KLK6: variants seen among roughly 807,000 people sequenced by gnomAD.
KLK6 encodes the protein kallikrein-6.
Under a neutral mutation model 21.7 loss-of-function variants are expected in KLK6, and 16 were observed. The ratio of observed to expected loss-of-function variants is 0.74; its 90% confidence interval spans 0.50 to 1.12. KLK6 has a LOEUF of 1.12. Among genes scored for constraint, KLK6 ranks in the 50% most tolerant of loss-of-function variants. KLK6 has a pLI of 0.00. For synonymous variants in KLK6, 116 were observed against 120.1 expected (o/e 0.97, Z 0.22); for missense variants, 276 against 304.6 (o/e 0.91, Z 0.70).
chr19:50,963,250 C>A, intron 5 of KLK6, 52 bp downstream of exon 5: 1 of 1,576,994 alleles, frequency 6.3e-7, no homozygotes, highest in Admixed American at 1.7e-5. Flanking sequence ...TCCTTTGGCA[C>A]ACTTCCCCAA....
At chr19:50,967,552 A>ACACACACAC (rs1555781654) in intron 3 of KLK6, among the ~76,000 whole-genome samples, 168 of 50,628 alleles carry the variant, frequency 3.3e-3, no homozygotes, top group African/African-American at 0.02. Flanking sequence ...CACACACACA[A>ACACACACAC]ATTAGCAGGG....
intron 5 of KLK6, chr19:50,962,091 T>C: frequency 4.0e-6 from 2 of 498,744 alleles, no homozygotes; most frequent in South Asian, 6.2e-5. Context: ...TTCCCCCCCA[T>C]TGGCTGTCTT....
Position 50,963,428 on chromosome 19 carries a change from T to A in KLK6, c.319A>T (p.Ile107Phe), listed in dbSNP as rs908989748. Reference sequence around the variant, plus strand: ...GGGCGTGCCAGGCGCAACAGCATGATGTCCTGGTCATGGCTGGCGGCATCA... The same window carrying A: ...GGGCGTGCCAGGCGCAACAGCATGAAGTCCTGGTCATGGCTGGCGGCATCA... ...DYDAASHDQDIMLLRLARPAK... is the reference protein window; with the variant it reads ...DYDAASHDQDFMLLRLARPAK... The change falls in exon 5 of 7, where the codon ATC becomes TTC. Residue 107 changes from isoleucine to phenylalanine, a missense_variant. Ile to Phe is a conservative substitution (Grantham distance 21). Coordinates refer to ENST00000310157, the MANE Select transcript of KLK6 (RefSeq NM_002774.4). 2.5e-6 allele frequency: 4 copies of A among 1,614,226 alleles called. No individual in the cohort carries two copies. Among genetic ancestry groups the A allele is most frequent in the Non-Finnish European group, 2.5e-6 (3 of 1,180,040 alleles).
At chr19:50,964,971 A>G (rs554194529) in intron 4 of KLK6, among the ~76,000 whole-genome samples, 2 of 152,208 alleles carry the variant, frequency 1.3e-5, no homozygotes, top group South Asian at 2.1e-4. Flanking sequence ...TCCCATCTTC[A>G]TGCCTCCGCT....
intron 6 of KLK6, 113 bp downstream of exon 6, chr19:50,961,631 T>C: frequency 7.7e-7 from 1 of 1,303,748 alleles, no homozygotes; most frequent in Admixed American, 2.4e-5. Context: ...TGTCTCTATC[T>C]GTCTCTGTAA....
At chr19:50,968,023 C>A in intron 3 of KLK6, 42 bp downstream of exon 3, 1 of 1,594,652 alleles carries the variant, frequency 6.3e-7, no homozygotes, top group South Asian at 1.1e-5. Flanking sequence ...ACAAGCCCAA[C>A]CCTGTCTGCA....
intron 2 of KLK6, 143 bp downstream of exon 2, chr19:50,968,398 G>A (rs2090960573): frequency 2.0e-6 from 1 of 507,146 alleles, no homozygotes; most frequent in Non-Finnish European, 3.6e-6. Flanking sequence ...GCACTGATTT[G>A]CCTTCCTGTC....
At chr19:50,964,311 C>A (rs1400070403) in intron 4 of KLK6, among the ~76,000 whole-genome samples, 1 of 152,182 alleles carries the variant, frequency 6.6e-6, no homozygotes, top group East Asian at 1.9e-4. Context: ...TGTTAGTAGG[C>A]AATTCCTATC....
chr19:50,962,114 T>G (rs143687622), intron 5 of KLK6: 1 of 470,164 alleles, frequency 2.1e-6, no homozygotes, highest in African/African-American at 2.0e-5. Context: ...TCATTAATAG[T>G]CTCTTCTCCA....
At chr19:50,965,906 G>A (rs1046986935) in intron 4 of KLK6, among the ~76,000 whole-genome samples, 2 of 152,170 alleles carry the variant, frequency 1.3e-5, no homozygotes, top group Non-Finnish European at 2.9e-5. Flanking sequence ...TTGGTAGTTA[G>A]CATCAAACAA....
intron 3 of KLK6, 112 bp from the exon 4 acceptor site, chr19:50,967,437 C>T: frequency 1.9e-6 from 2 of 1,048,834 alleles, no homozygotes; most frequent in African/African-American, 1.6e-5. Context: ...TGCCTGTAAT[C>T]CCAGCTGAGG....
At chr19:50,969,381 A>C (rs1296275256) in intron 1 of KLK6, 109 bp downstream of exon 1, 1 of 152,240 alleles carries the variant, frequency 6.6e-6, no homozygotes. Context: ...CACCCCCAGC[A>C]CTCTCTGTGC....
intron 6 of KLK6, among the ~76,000 whole-genome samples, 165 bp from the exon 7 acceptor site, chr19:50,959,481 C>A (rs2090771608): frequency 7.2e-6 from 1 of 139,678 alleles, no homozygotes; most frequent in South Asian, 2.4e-4. Flanking sequence ...GACAGAGAGA[C>A]AGAGAGAGAG....
chr19:50,961,491 C>G lies in KLK6; in HGVS notation c.582+253G>C, dbSNP rs114817507. Among the ~76,000 whole-genome samples, 4 of 152,170 alleles carry G rather than the reference C, an allele frequency of 2.6e-5. 1 individual carries two copies. In the South Asian group the frequency reaches 8.3e-4, roughly 32 times the overall value. On this transcript the variant is annotated intron_variant, in intron 6 of 6. Transcript: ENST00000310157. ...CTGGCCTCTCTGGTTCTTGATCCCGCGGCCTCCATCCTTGTCTCTGCACTT... is the reference window on the plus strand; with the variant it reads ...CTGGCCTCTCTGGTTCTTGATCCCGGGGCCTCCATCCTTGTCTCTGCACTT...
At chr19:50,967,437 C>A (rs2090943719) in intron 3 of KLK6, 112 bp from the exon 4 acceptor site, 2 of 1,048,718 alleles carry the variant, frequency 1.9e-6, no homozygotes, top group Non-Finnish European at 1.4e-6. Context: ...TGCCTGTAAT[C>A]CCAGCTGAGG....
At position 50,968,108 on chromosome 19, in the gene KLK6, C is replaced by T. The variant is rs369049379; in HGVS notation, c.-4G>A. On this transcript the variant is annotated 5_prime_UTR_variant, in exon 3 of 7. Coordinates refer to ENST00000310157, the MANE Select transcript of KLK6 (RefSeq NM_002774.4). ...GCACCACCATCAGCTTCTTCATGGC[C>T]GCTCCTGAGAGGGGAAGCCACATGG... 2.0e-5 allele frequency: 32 copies of T among 1,614,030 alleles called. No individual in the cohort carries two copies. The African/African-American group carries it at 2.4e-4, about 12-fold the overall frequency.
intron 6 of KLK6, among the ~76,000 whole-genome samples, chr19:50,960,563 C>T (rs1044360024): frequency 2.0e-5 from 3 of 152,036 alleles, no homozygotes; most frequent in Non-Finnish European, 2.9e-5. Context: ...AGGACAGTCC[C>T]CTCACACCAT....
chr19:50,959,339 C>G, intron 6 of KLK6, 23 bp from the exon 7 acceptor site: 1 of 1,598,900 alleles, frequency 6.3e-7, no homozygotes, highest in Non-Finnish European at 8.5e-7. Context: ...GGGAGAAAGT[C>G]AGATACAGAT....
At chr19:50,964,587 T>C (rs998396784) in intron 4 of KLK6, among the ~76,000 whole-genome samples, 13 of 152,252 alleles carry the variant, frequency 8.5e-5, no homozygotes, top group Non-Finnish European at 1.8e-4. Context: ...TATATGTGGC[T>C]GATGGCTACC....
Sources: gnomAD v4.1 joint callset for allele counts (sites outside exome capture counted in the v4.1 genomes callset) on GRCh38, gnomAD v4.1.1 for gene constraint, MANE v1.5 for transcripts, NCBI Gene and HGNC (gene_info 2026-07-23, HGNC 2026-07-21) for gene names.